RNF149: variants seen among roughly 807,000 people sequenced by gnomAD.
RNF149 encodes E3 ubiquitin-protein ligase RNF149.
In RNF149, 21 loss-of-function variants were observed where a neutral mutation model predicts 39.0. That is an observed-to-expected ratio of 0.54 (90% CI 0.38 to 0.77). The LOEUF (loss-of-function observed/expected upper bound fraction) is 0.77, where lower values mean the gene tolerates loss of function less well. RNF149 is among the 30% of genes least tolerant of loss of function. RNF149 has a pLI of 0.00. For synonymous variants in RNF149, 209 were observed against 213.6 expected, an observed-to-expected ratio of 0.98 and a Z score of 0.19; for missense variants, 493 against 534.9, an observed-to-expected ratio of 0.92 and a Z score of 0.77.
At chr2:101,272,956 T>G (rs750723328), downstream of RNF149, 1 of 1,352,302 alleles carries the variant, frequency 7.4e-7, no homozygotes, top group Non-Finnish European at 9.8e-7. Flanking sequence ...GACTAGTGGT[T>G]CGCTTCAGGA....
At position 101,289,029 on chromosome 2, in the gene RNF149, A is replaced by G; in HGVS notation, c.807T>C (p.Cys269=). The G allele has an allele frequency of 6.3e-7, 1 of 1,594,872 alleles. No homozygotes were observed. Among genetic ancestry groups the G allele is most frequent in the Non-Finnish European group, 8.6e-7 (1 of 1,163,792 alleles). Reference sequence around the variant, plus strand: ...CTTTGAAATTTTCAATACACACTGCACAATTTTCAGCATCAACATCAATTC... The same window carrying G: ...CTTTGAAATTTTCAATACACACTGCGCAATTTTCAGCATCAACATCAATTC... ...EKGIDVDAEN[C]AVCIENFKVK... is the part of the protein sequence containing the mutation. Residue 269 remains cysteine, a synonymous_variant, in exon 4 of 7, where the codon TGT becomes TGC. Coordinates refer to ENST00000295317, the MANE Select transcript of RNF149 (RefSeq NM_173647.4).
intron 1 of RNF149, 131 bp downstream of exon 1, chr2:101,307,998 G>A (rs1016327781): frequency 4.6e-5 from 67 of 1,448,118 alleles, no homozygotes; most frequent in Non-Finnish European, 5.7e-5. Flanking sequence ...TTCCCTGAAA[G>A]TTCCAACAGC....
chr2:101,273,138 T>G, downstream of RNF149: 1 of 1,350,358 alleles, frequency 7.4e-7, no homozygotes, highest in Non-Finnish European at 9.9e-7. Flanking sequence ...TGCCAAGTGG[T>G]GTGTGTTTTT....
Position 101,276,736 on chromosome 2 carries a change from G to A in RNF149, c.*502C>T. The stretch of plus-strand genomic sequence containing the variant: ...ACATACACTACAGATGGGCAAAAAA[G>A]CTACAGACATCTCAGTTTACAAGTT... On this transcript the variant is annotated 3_prime_UTR_variant, in exon 7 of 7. Transcript: ENST00000295317. 2 of 988,624 alleles carry A rather than the reference G, an allele frequency of 2.0e-6. No homozygotes were observed. The highest frequency in any genetic ancestry group is 2.4e-6 in the Non-Finnish European group (2 of 831,950). 61.2% of individuals were successfully genotyped at this position (988,624 alleles called of 1,614,324 possible).
At position 101,276,666 on chromosome 2, in the gene RNF149, A is replaced by G; in HGVS notation, c.*572T>C. On this transcript the variant is annotated 3_prime_UTR_variant, in exon 7 of 7. Coordinates refer to ENST00000295317, the MANE Select transcript of RNF149 (RefSeq NM_173647.4). ...CCTAAAGTCATCTAGTGCCTTTCTCATAATTCTAAACAAAGAAAAAGTGCT... is the reference window on the plus strand; with the variant it reads ...CCTAAAGTCATCTAGTGCCTTTCTCGTAATTCTAAACAAAGAAAAAGTGCT... 1 of 985,812 alleles carries G rather than the reference A, an allele frequency of 1.0e-6. No homozygotes were observed. The highest frequency in any genetic ancestry group is 1.2e-6 in the Non-Finnish European group (1 of 829,894). The allele number at this position is 985,812 out of a possible 1,614,324, so 61.1% of individuals were successfully genotyped here.
intron 1 of RNF149, among the ~76,000 whole-genome samples, chr2:101,297,402 G>A (rs1683274713): frequency 6.6e-6 from 1 of 152,148 alleles, no homozygotes; most frequent in South Asian, 2.1e-4. Flanking sequence ...TGTCACCCAG[G>A]ATGGAGTACA....
In RNF149 at chr2:101,281,955, C is replaced by T. The variant is rs1558778971; in HGVS notation, c.1063G>A (p.Asp355Asn). ...GAGGCTGATGGTGGACTGCTGTCAT[C>T]ACTTCCGTCATCATCTGGTAAAGCT... ...SLALPDDDGS[D>N]DSSPPSASPA... The change falls in exon 6 of 7, where the codon GAT becomes AAT. Residue 355 changes from aspartate to asparagine, a missense_variant. Asp to Asn is a conservative substitution (Grantham distance 23). Coordinates refer to ENST00000295317, the MANE Select transcript of RNF149 (RefSeq NM_173647.4). 1 of 1,614,036 alleles carries T rather than the reference C, an allele frequency of 6.2e-7. No homozygotes were observed. The highest frequency in any genetic ancestry group is 1.7e-5 in the Admixed American group (1 of 60,006).
At chr2:101,297,152 T>C (rs900764579) in intron 1 of RNF149, among the ~76,000 whole-genome samples, 2 of 152,084 alleles carry the variant, frequency 1.3e-5, no homozygotes, top group African/African-American at 2.4e-5. Flanking sequence ...GAGGCTGCGG[T>C]GAGCCAAGAT....
At chr2:101,300,175 G>C (rs1683396900) in intron 1 of RNF149, among the ~76,000 whole-genome samples, 1 of 152,146 alleles carries the variant, frequency 6.6e-6, no homozygotes, top group Admixed American at 6.5e-5. Flanking sequence ...CATCTCAAAG[G>C]AGACAAAAAA....
intron 4 of RNF149, chr2:101,286,547 G>A (rs1456661276): frequency 6.1e-6 from 1 of 164,028 alleles, no homozygotes; most frequent in African/African-American, 2.4e-5. Context: ...TCCATAAAAT[G>A]ACTCAAATGG....
chr2:101,307,821 G>C (rs888771525), intron 1 of RNF149: 1 of 984,928 alleles, frequency 1.0e-6, no homozygotes, highest in African/African-American at 1.7e-5. Context: ...CCATGATTAG[G>C]AATCATGAGA....
intron 3 of RNF149, among the ~76,000 whole-genome samples, chr2:101,290,250 C>A (rs1682956283): frequency 6.6e-6 from 1 of 152,206 alleles, no homozygotes. Context: ...TAAATACTAT[C>A]ATTTATCATA....
Position 101,308,476 on chromosome 2 carries a change from A to G in RNF149, c.113T>C (p.Phe38Ser). 6.2e-7 allele frequency: 1 copy of G among 1,611,158 alleles called. No homozygotes were observed. Among genetic ancestry groups the G allele is most frequent in the Non-Finnish European group, 8.5e-7 (1 of 1,179,270 alleles). ...GTACTCGATGTTTACCACGGCCGAG[A>G]ACCACTCGAGAGCCCGGCCCCGGGC... is the stretch of plus-strand genomic sequence containing the variant. The part of the protein sequence containing the change: ...PGARGRALEW[F>S]SAVVNIEYVD... Residue 38 changes from phenylalanine to serine, a missense_variant, in exon 1 of 7, where the codon TTC becomes TCC. Physicochemically the swap from Phe to Ser is radical, Grantham distance 155. Coordinates refer to ENST00000295317, the MANE Select transcript of RNF149 (RefSeq NM_173647.4).
chr2:101,296,762 T>C (rs1297489109), intron 1 of RNF149, among the ~76,000 whole-genome samples: 1 of 152,078 alleles, frequency 6.6e-6, no homozygotes, highest in Admixed American at 6.5e-5. Context: ...AAACATCCAA[T>C]GGCTAGAAGA....
chr2:101,305,488 C>CTGGA, intron 1 of RNF149, among the ~76,000 whole-genome samples: 1 of 152,316 alleles, frequency 6.6e-6, no homozygotes, highest in East Asian at 1.9e-4. Flanking sequence ...TATCACACTG[C>CTGGA]TACCAAACTA....
At chr2:101,274,832 G>A (rs907272433), downstream of RNF149, among the ~76,000 whole-genome samples, 3 of 152,190 alleles carry the variant, frequency 2.0e-5, no homozygotes, top group African/African-American at 7.2e-5. Context: ...TGTTGCCCAG[G>A]CTGGAGTGCA....
chr2:101,301,391 G>A (rs919128210), intron 1 of RNF149, among the ~76,000 whole-genome samples: 3 of 151,442 alleles, frequency 2.0e-5, no homozygotes, highest in Non-Finnish European at 1.5e-5. Flanking sequence ...GCAGCTGCAC[G>A]ATTATAGCTC....
At position 101,275,903 on chromosome 2, in the gene RNF149, C is replaced by T; in HGVS notation, c.*1335G>A. 7.1e-6 allele frequency: 7 copies of T among 985,220 alleles called. No individual in the cohort carries two copies. Among genetic ancestry groups the T allele is most frequent in the South Asian group, 9.4e-5 (2 of 21,282 alleles). The allele number at this position is 985,220 out of a possible 1,614,324, so 61.0% of individuals were successfully genotyped here. On this transcript the variant is annotated 3_prime_UTR_variant, in exon 7 of 7. Coordinates refer to ENST00000295317, the MANE Select transcript of RNF149 (RefSeq NM_173647.4). ...GCTAAAACCAACTCAGTGTGCAAAG[C>T]GAAATACATTTTCTACTTCAATAGC...
chr2:101,294,008 T>A lies in RNF149; in HGVS notation c.780+6A>T. 7 of 1,525,004 alleles carry A rather than the reference T, an allele frequency of 4.6e-6. No homozygotes were observed. Among genetic ancestry groups the A allele is most frequent in the Non-Finnish European group, 6.3e-6 (7 of 1,107,248 alleles). The allele number at this position is 1,525,004 out of a possible 1,614,324, so 94.5% of individuals were successfully genotyped here. A position where few individuals can be genotyped will look rare whatever the true frequency, so the allele number is the denominator to read the frequency against. On this transcript the variant is annotated splice_donor_region_variant and intron_variant, in intron 3 of 6. Transcript: ENST00000295317. The stretch of plus-strand genomic sequence containing the variant: ...CAAAACAAAAGAAAAACCATGAAAA[T>A]ATTACCTTTTCTCCATGCTTTACAG...
Sources: gnomAD v4.1 joint callset for allele counts (sites outside exome capture counted in the v4.1 genomes callset) on GRCh38, gnomAD v4.1.1 for gene constraint, MANE v1.5 for transcripts, NCBI Gene and HGNC (gene_info 2026-07-23, HGNC 2026-07-21) for gene names.